NFIA: variants seen among roughly 807,000 people sequenced by gnomAD.
NFIA encodes nuclear factor 1 A-type.
A neutral mutation model predicts 62.8 loss-of-function variants in NFIA; 8 were observed. That is an observed-to-expected ratio of 0.13 (90% CI 0.07 to 0.23). NFIA has a LOEUF of 0.23. Ranked by LOEUF, NFIA falls within the 10% of genes least tolerant of loss-of-function variation. NFIA has a pLI of 1.00. For missense variants in NFIA, 410 were observed against 642.1 expected (o/e 0.64, Z 3.91); for synonymous variants, 235 against 238.1 (o/e 0.99, Z 0.12).
intron 4 of NFIA, among the ~76,000 whole-genome samples, chr1:61,333,992 T>G (rs1661448867): frequency 6.6e-6 from 1 of 152,140 alleles, no homozygotes; most frequent in South Asian, 2.1e-4. Context: ...AGAGTGAGAC[T>G]CCATCTCAAA....
At chr1:61,145,385 C>T (rs192229774) in intron 2 of NFIA, among the ~76,000 whole-genome samples, 11 of 152,264 alleles carry the variant, frequency 7.2e-5, no homozygotes, top group African/African-American at 2.6e-4. Flanking sequence ...TCTGGTTGGT[C>T]ACATAACCTT....
intron 2 of NFIA, among the ~76,000 whole-genome samples, chr1:61,215,793 C>G (rs770923313): frequency 5.9e-5 from 9 of 152,176 alleles, no homozygotes; most frequent in Non-Finnish European, 1.2e-4. Flanking sequence ...AGAAGTATTT[C>G]AGGACTCATT....
chr1:61,165,766 C>A (rs1649526519), intron 2 of NFIA, among the ~76,000 whole-genome samples: 4 of 152,112 alleles, frequency 2.6e-5, no homozygotes, highest in Non-Finnish European at 5.9e-5. Context: ...CCCAGATAAT[C>A]TGAAGGGTTA....
chr1:61,171,552 A>G (rs528622904), intron 2 of NFIA, among the ~76,000 whole-genome samples: 1 of 152,214 alleles, frequency 6.6e-6, no homozygotes, highest in Non-Finnish European at 1.5e-5. Context: ...AAAACATTGA[A>G]TATAGGATTT....
intron 2 of NFIA, among the ~76,000 whole-genome samples, chr1:61,243,227 G>T (rs1170863433): frequency 1.3e-5 from 2 of 152,114 alleles, no homozygotes; most frequent in Non-Finnish European, 2.9e-5. Context: ...TTCAGTTCTG[G>T]AAATTTCAAC....
intron 2 of NFIA, among the ~76,000 whole-genome samples, chr1:61,104,474 C>T (rs988256938): frequency 6.6e-5 from 10 of 152,128 alleles, no homozygotes; most frequent in South Asian, 2.1e-4. Flanking sequence ...TTTCATTAGA[C>T]GGAAATGCAC....
intron 5 of NFIA, among the ~76,000 whole-genome samples, chr1:61,353,484 G>A (rs1256306198): frequency 6.6e-6 from 1 of 152,196 alleles, no homozygotes; most frequent in African/African-American, 2.4e-5. Context: ...GCACTGGACT[G>A]TGACAACAAA....
At chr1:61,179,416 A>G (rs557830226) in intron 2 of NFIA, among the ~76,000 whole-genome samples, 18 of 152,310 alleles carry the variant, frequency 1.2e-4, no homozygotes, top group African/African-American at 3.6e-4. Context: ...GGGCAAGTCA[A>G]TTTGTTCGAG....
intron 2 of NFIA, among the ~76,000 whole-genome samples, chr1:61,240,469 T>A (rs1315697226): frequency 6.6e-6 from 1 of 152,052 alleles, no homozygotes; most frequent in African/African-American, 2.4e-5. Flanking sequence ...TAAGAGTAGG[T>A]TCACAGGCTA....
chr1:61,140,110 C>T (rs1647393756), intron 2 of NFIA, among the ~76,000 whole-genome samples: 1 of 152,060 alleles, frequency 6.6e-6, no homozygotes, highest in Non-Finnish European at 1.5e-5. Flanking sequence ...CTTGTATGAC[C>T]CTGAGACAGG....
intron 4 of NFIA, among the ~76,000 whole-genome samples, chr1:61,343,277 C>G (rs1054777222): frequency 3.3e-5 from 5 of 152,186 alleles, no homozygotes; most frequent in African/African-American, 1.2e-4. Flanking sequence ...AATTATCTGT[C>G]AAAGATAAAG....
At chr1:61,148,358 C>A (rs1648159408) in intron 2 of NFIA, among the ~76,000 whole-genome samples, 1 of 152,150 alleles carries the variant, frequency 6.6e-6, no homozygotes, top group South Asian at 2.1e-4. Flanking sequence ...TTGTACATTT[C>A]ATTCCCTCTG....
rs578226217 is a variant in NFIA, at chr1:61,246,135, G to A, written c.560-31385G>A. On this transcript the variant is annotated intron_variant, in intron 2 of 10. Transcript: ENST00000403491. ...ATATGGAAGTGAACTATTTTATTTCGAAGATATGAATCATAAGCTACTTAG... is the reference window on the plus strand; with the variant it reads ...ATATGGAAGTGAACTATTTTATTTCAAAGATATGAATCATAAGCTACTTAG... Among the ~76,000 whole-genome samples the A allele has an allele frequency of 2.4e-4, 37 of 152,194 alleles. No individual in the cohort carries two copies. The East Asian group carries it at 4.6e-3, about 19-fold the overall frequency.
intron 10 of NFIA, among the ~76,000 whole-genome samples, chr1:61,446,196 C>T (rs1265581386): frequency 2.0e-5 from 3 of 152,264 alleles, no homozygotes; most frequent in Admixed American, 6.5e-5. Context: ...CCACCAGACC[C>T]GCAGTCCAGT....
At chr1:61,283,747 A>G (rs1474679541) in intron 3 of NFIA, among the ~76,000 whole-genome samples, 2 of 152,018 alleles carry the variant, frequency 1.3e-5, no homozygotes, top group East Asian at 1.9e-4. Flanking sequence ...TTAATGTTTT[A>G]AATTGTTTTT....
intron 3 of NFIA, among the ~76,000 whole-genome samples, chr1:61,292,780 A>AC (rs1658972116): frequency 6.6e-6 from 1 of 151,888 alleles, no homozygotes; most frequent in Non-Finnish European, 1.5e-5. Context: ...ATTAGCTCAA[A>AC]CCCCCCATTC....
In NFIA at chr1:61,455,602, C is replaced by T; in HGVS notation, c.*282C>T. 3.9e-6 allele frequency: 2 copies of T among 508,610 alleles called. No homozygotes were observed. Among genetic ancestry groups the T allele is most frequent in the Non-Finnish European group, 6.8e-6 (2 of 293,250 alleles). 31.5% of individuals were successfully genotyped at this position (508,610 alleles called of 1,614,324 possible). On this transcript the variant is annotated 3_prime_UTR_variant, in exon 11 of 11. Coordinates refer to ENST00000403491, the MANE Select transcript of NFIA (RefSeq NM_001134673.4). Reference sequence around the variant, plus strand: ...GGGCTTTGTAACATTTGAAGTGTTTCCATGGTAGCGTGAGCATTAGGTGAC... The same window carrying T: ...GGGCTTTGTAACATTTGAAGTGTTTTCATGGTAGCGTGAGCATTAGGTGAC...
upstream of NFIA, chr1:61,082,113 G>C: frequency 2.3e-6 from 3 of 1,284,298 alleles, no homozygotes; most frequent in Non-Finnish European, 3.1e-6. Context: ...GTTTGCTTAA[G>C]CACATCCTGT....
chr1:61,188,380 C>G (rs1007891964), intron 2 of NFIA, among the ~76,000 whole-genome samples: 2 of 152,126 alleles, frequency 1.3e-5, no homozygotes, highest in Admixed American at 6.5e-5. Context: ...TCTATTGTGT[C>G]ATGGGCTGCA....
Sources: allele counts gnomAD v4.1 joint callset (sites outside exome capture counted in the v4.1 genomes callset), GRCh38; gene constraint gnomAD v4.1.1; transcripts MANE v1.5; gene names NCBI Gene and HGNC (gene_info 2026-07-23, HGNC 2026-07-21).